Variants in PDZD2 observed in about 807,000 individuals in gnomAD.
PDZD2 encodes PDZ domain-containing protein 2.
Under a neutral mutation model 220.7 loss-of-function variants are expected in PDZD2, and 90 were observed. The ratio of observed to expected loss-of-function variants is 0.41; its 90% CI spans 0.34 to 0.49. The LOEUF (loss-of-function observed/expected upper bound fraction) is 0.49. Among genes scored for constraint, PDZD2 ranks in the 20% least tolerant of loss-of-function variants. The pLI is 0.28. For missense variants in PDZD2, 3,174 were observed against 3,608.5 expected, an observed-to-expected ratio of 0.88 and a Z score of 3.08; for synonymous variants, 1,375 against 1,450.5, an observed-to-expected ratio of 0.95 and a Z score of 1.18.
chr5:31,959,611 A>G (rs1464249250), intron 2 of PDZD2, among the ~76,000 whole-genome samples: 1 of 152,076 alleles, frequency 6.6e-6, no homozygotes, highest in Non-Finnish European at 1.5e-5. Flanking sequence ...CGACCTCTCA[A>G]AGTGCTGGGA....
At chr5:32,076,288 G>GAAAAAAAAAAAAAAAAAAAAAAAAAAA in intron 18 of PDZD2, among the ~76,000 whole-genome samples, 1 of 87,932 alleles carries the variant, frequency 1.1e-5, no homozygotes, top group Non-Finnish European at 2.3e-5. Flanking sequence ...TCGGTCTCAA[G>GAAAAAAAAAAAAAAAAAAAAAAAAAAA]AAAAAAAAAA....
chr5:31,931,649 G>A (rs1027328740), intron 2 of PDZD2, among the ~76,000 whole-genome samples: 1 of 152,156 alleles, frequency 6.6e-6, no homozygotes, highest in African/African-American at 2.4e-5. Context: ...CGAAGAAGCT[G>A]GTACCCCTCC....
chr5:32,046,740 C>T (rs187381262), intron 7 of PDZD2, among the ~76,000 whole-genome samples: 9 of 152,020 alleles, frequency 5.9e-5, no homozygotes, highest in Non-Finnish European at 1.3e-4. Context: ...ATTCAAATTA[C>T]ATTAAAAATT....
In PDZD2 at chr5:32,109,680, A is replaced by G. The variant is rs1745188612; in HGVS notation, c.*1545A>G. The G allele has an allele frequency of 1.3e-5, 2 of 152,214 alleles. No individual in the cohort carries two copies. Among genetic ancestry groups the G allele is most frequent in the African/African-American group, 4.8e-5 (2 of 41,440 alleles). 9.4% of individuals were successfully genotyped at this position (152,214 alleles called of 1,614,324 possible). Reference sequence around the variant, plus strand: ...AACATGAGTGGAGAGTGCATTTGCCATACCTGTGTGCATGACACTAAGATT... The same window carrying G: ...AACATGAGTGGAGAGTGCATTTGCCGTACCTGTGTGCATGACACTAAGATT... On this transcript the variant is annotated 3_prime_UTR_variant, in exon 25 of 25. Coordinates refer to ENST00000438447, the MANE Select transcript of PDZD2 (RefSeq NM_178140.4).
At chr5:31,923,322 G>T (rs1047685745) in intron 2 of PDZD2, 1 of 738,616 alleles carries the variant, frequency 1.4e-6, no homozygotes, top group East Asian at 2.5e-5. Context: ...TTCCCGATGC[G>T]GTGGTTGCTG....
chr5:32,062,169 A>G (rs1174633194), intron 14 of PDZD2, among the ~76,000 whole-genome samples: 1 of 152,210 alleles, frequency 6.6e-6, no homozygotes, highest in African/African-American at 2.4e-5. Flanking sequence ...TATCTTATCA[A>G]ATGATTATCT....
intron 2 of PDZD2, among the ~76,000 whole-genome samples, chr5:31,969,154 C>G (rs529392974): frequency 1.5e-4 from 23 of 152,096 alleles, no homozygotes; most frequent in South Asian, 1.0e-3. Flanking sequence ...AGATCTGTCT[C>G]TTCAGGGTAA....
In PDZD2 at chr5:32,087,530, C is replaced by T; in HGVS notation, c.4082C>T (p.Ala1361Val). 6.2e-7 allele frequency: 1 copy of T among 1,613,466 alleles called. No individual in the cohort carries two copies. Among genetic ancestry groups the T allele is most frequent in the Non-Finnish European group, 8.5e-7 (1 of 1,179,668 alleles). Residue 1361 changes from alanine (A) to valine (V), a missense_variant, in exon 20 of 25, where the codon GCT becomes GTT. This residue lies in a region of PDZD2 where 1,861 missense variants were observed against 2,001.0 expected (regional missense o/e 0.93). Coordinates refer to ENST00000438447, the MANE Select transcript of PDZD2 (RefSeq NM_178140.4). The surrounding 1 kb of genome is among the most constrained non-coding windows in gnomAD (Gnocchi z 4.0). ...GGAGCTCCAGGTAACCACAGTAAGG[C>T]TCTGGAAATGACAGGAATCCATGCA... is the stretch of plus-strand genomic sequence containing the variant. Reference protein sequence around the residue: ...RQGAPGNHSKALEMTGIHAPE... With the variant: ...RQGAPGNHSKVLEMTGIHAPE...
chr5:31,834,699 A>C (rs573167002), intron 2 of PDZD2, among the ~76,000 whole-genome samples: 1 of 140,364 alleles, frequency 7.1e-6, no homozygotes, highest in Non-Finnish European at 1.5e-5. Flanking sequence ...TAAGAGATTT[A>C]TCTTACTTGG....
chr5:31,983,489 G>T lies in PDZD2; in HGVS notation c.811G>T (p.Asp271Tyr), dbSNP rs766836004. Residue 271 changes from aspartate (D) to tyrosine (Y), a missense_variant, in exon 3 of 25, where the codon GAT becomes TAT. Coordinates refer to ENST00000438447, the MANE Select transcript of PDZD2 (RefSeq NM_178140.4). ...TGTCTTTCAGCTAGAAAATGGCCCA[G>T]ATTCTCTCAAGGAGGTGGCTGGACC... ...GHVFQLENGP[D>Y]SLKEVAGPHL... 3.7e-6 allele frequency: 6 copies of T among 1,614,048 alleles called. No individual in the cohort carries two copies. In the Admixed American group the frequency reaches 8.3e-5, roughly 22 times the overall value.
chr5:31,796,867 G>A (rs1388130584), intron 1 of PDZD2, among the ~76,000 whole-genome samples: 1 of 151,704 alleles, frequency 6.6e-6, no homozygotes, highest in Non-Finnish European at 1.5e-5. Context: ...TCCTCAATCA[G>A]ACTTATTTAA....
At chr5:32,059,635 T>C (rs1459713652) in intron 13 of PDZD2, among the ~76,000 whole-genome samples, 1 of 152,242 alleles carries the variant, frequency 6.6e-6, no homozygotes, top group East Asian at 1.9e-4. Context: ...AAGATACAAC[T>C]CTATACAGAT....
chr5:31,756,106 G>A (rs12520410), intron 1 of PDZD2, among the ~76,000 whole-genome samples: 7,620 of 152,276 alleles, frequency 0.05, 271 homozygotes, highest in Non-Finnish European at 0.069. Flanking sequence ...GGTCAGTCAT[G>A]ATGAGGAAGG....
chr5:31,750,566 G>A (rs1156968924), intron 1 of PDZD2, among the ~76,000 whole-genome samples: 1 of 152,204 alleles, frequency 6.6e-6, no homozygotes, highest in Admixed American at 6.5e-5. Context: ...TGCCGCGAGG[G>A]TGAGGAGTGT....
intron 2 of PDZD2, chr5:31,923,462 T>A: frequency 2.8e-6 from 3 of 1,061,576 alleles, no homozygotes; most frequent in Non-Finnish European, 1.5e-6. Context: ...CTCTTGTGAT[T>A]TACCTGGGAT....
At chr5:31,745,818 T>C (rs1750574744) in intron 1 of PDZD2, among the ~76,000 whole-genome samples, 1 of 151,784 alleles carries the variant, frequency 6.6e-6, no homozygotes, top group South Asian at 2.1e-4. Flanking sequence ...GATTTTTTTT[T>C]TTTTTTTTGC....
At chr5:31,683,628 C>T (rs2150124407) in intron 1 of PDZD2, among the ~76,000 whole-genome samples, 1 of 152,260 alleles carries the variant, frequency 6.6e-6, no homozygotes, top group South Asian at 2.1e-4. Context: ...AGTTTGATAT[C>T]AGCTCATAAA....
intron 7 of PDZD2, 87 bp from the exon 8 acceptor site, chr5:32,048,452 G>A (rs1395401743): frequency 8.9e-6 from 10 of 1,119,886 alleles, no homozygotes; most frequent in Non-Finnish European, 1.2e-5. Flanking sequence ...GAAGGTGGGT[G>A]TAAATACAAT....
intron 1 of PDZD2, among the ~76,000 whole-genome samples, chr5:31,759,827 G>T (rs942471994): frequency 6.6e-6 from 1 of 152,156 alleles, no homozygotes; most frequent in Non-Finnish European, 1.5e-5. Flanking sequence ...TTACAGGCAT[G>T]AGCCACTGCG....
Sources: allele counts gnomAD v4.1 joint callset (sites outside exome capture counted in the v4.1 genomes callset), GRCh38; gene constraint gnomAD v4.1.1; regional missense constraint gnomAD v4.1.1; non-coding constraint Gnocchi (gnomAD v3.1); transcripts MANE v1.5; gene names NCBI Gene and HGNC (gene_info 2026-07-23, HGNC 2026-07-21).